Variants in FBN1 observed in about 807,000 individuals in gnomAD.
FBN1 encodes the protein fibrillin-1.
In FBN1, 29 loss-of-function variants were observed where a neutral mutation model predicts 365.1. The observed-to-expected ratio is 0.08, with a 90% CI of 0.06 to 0.11. The LOEUF (loss-of-function observed/expected upper bound fraction) is 0.11. Ranked by LOEUF, FBN1 falls within the 10% of genes least tolerant of loss-of-function variation. The pLI, the probability that FBN1 is intolerant of heterozygous loss-of-function variation, is 1.00. For missense variants in FBN1, 2,476 were observed against 3,703.2 expected, an observed-to-expected ratio of 0.67 and a Z score of 8.60; for synonymous variants, 1,210 against 1,270.5, an observed-to-expected ratio of 0.95 and a Z score of 1.01.
chr15:48,617,986 T>G (rs1284814296), intron 2 of FBN1, among the ~76,000 whole-genome samples: 2 of 152,194 alleles, frequency 1.3e-5, no homozygotes, highest in African/African-American at 4.8e-5. Context: ...CTCAACATAT[T>G]TGTTAGTGAT....
At chr15:48,512,648 C>T (rs954272014) in intron 13 of FBN1, among the ~76,000 whole-genome samples, 1 of 152,186 alleles carries the variant, frequency 6.6e-6, no homozygotes, top group Admixed American at 6.5e-5. Context: ...CTGCAACGGA[C>T]ATGATCTCAT....
In FBN1 at chr15:48,464,034, G is replaced by T; in HGVS notation, c.4943-13C>A. ...CATTCATTCACATCTATAATCCAAA[G>T]AGAAAGTGGTATGTGAATATGAAAA... On this transcript the variant is annotated splice_polypyrimidine_tract_variant and intron_variant, in intron 40 of 65. Transcript: ENST00000316623. 6.2e-7 allele frequency: 1 copy of T among 1,613,620 alleles called. No homozygotes were observed. The highest frequency in any genetic ancestry group is 1.1e-5 in the South Asian group (1 of 91,054).
chr15:48,569,498 TCAGA>T (rs1406349601), intron 6 of FBN1, among the ~76,000 whole-genome samples: 2 of 152,220 alleles, frequency 1.3e-5, no homozygotes, highest in East Asian at 1.9e-4. Context: ...ATACATATGG[TCAGA>T]CAAAGACTTG....
At chr15:48,616,792 T>TA (rs1889662449) in intron 2 of FBN1, among the ~76,000 whole-genome samples, 2 of 152,180 alleles carry the variant, frequency 1.3e-5, no homozygotes, top group Admixed American at 1.3e-4. Context: ...CAACAAATTT[T>TA]AAAAAATTAA....
rs1388913527 is a variant in FBN1 at position 48,641,833 on chromosome 15, A to G, written c.164+2773T>C. 4 of 152,244 alleles carry G rather than the reference A, an allele frequency of 2.6e-5. No individual in the cohort carries two copies. In the East Asian group the frequency reaches 7.7e-4, roughly 29 times the overall value. 9.4% of individuals were successfully genotyped at this position (152,244 alleles called of 1,614,324 possible). Reference sequence around the variant, plus strand: ...CAGGGCACCGTTAAAGGATTTATTCATATGAGACTGTAACGGCAATAAGCA... The same window carrying G: ...CAGGGCACCGTTAAAGGATTTATTCGTATGAGACTGTAACGGCAATAAGCA... On this transcript the variant is annotated intron_variant, in intron 2 of 65. Transcript: ENST00000316623.
At chr15:48,435,768 G>GTATATATATGTGTGTATATATATGTA (rs371770634) in intron 53 of FBN1, among the ~76,000 whole-genome samples, 2,136 of 111,194 alleles carry the variant, frequency 0.019, 136 homozygotes, top group African/African-American at 0.072. Context: ...ATATATATGT[G>GTATATATATGTGTGTATATATATGTA]TATATGTGTG....
chr15:48,534,079 CCTT>C lies in FBN1; in HGVS notation c.860_862del (p.Glu287del). On this transcript the variant is annotated inframe_deletion and splice_region_variant, in exon 8 of 66. Coordinates refer to ENST00000316623, the MANE Select transcript of FBN1 (RefSeq NM_000138.5). ...CAACTGCAAAGCATAAGATTTCTTA[CCTT>C]CACATTTTTGTGACACTTCATTAAG... The C allele has an allele frequency of 6.2e-7, 1 of 1,611,606 alleles. No homozygotes were observed. The highest frequency in any genetic ancestry group is 1.1e-5 in the South Asian group (1 of 91,044).
chr15:48,637,828 A>G (rs1265585074), intron 2 of FBN1, among the ~76,000 whole-genome samples: 4 of 152,196 alleles, frequency 2.6e-5, no homozygotes, highest in African/African-American at 9.6e-5. Context: ...CGTAGATCAG[A>G]GGTTGTTAAA....
intron 43 of FBN1, among the ~76,000 whole-genome samples, chr15:48,458,836 T>C (rs2043260915): frequency 6.6e-6 from 1 of 152,028 alleles, no homozygotes; most frequent in African/African-American, 2.4e-5. Context: ...AAAAGGAGAG[T>C]ATAAAGCTTA....
intron 44 of FBN1, among the ~76,000 whole-genome samples, chr15:48,453,557 T>C (rs904230431): frequency 6.6e-5 from 10 of 152,082 alleles, no homozygotes; most frequent in Non-Finnish European, 1.5e-4. Context: ...ATTCTATGAA[T>C]AGTTATGGAA....
At chr15:48,432,600 C>T (rs1310423813) in intron 55 of FBN1, among the ~76,000 whole-genome samples, 2 of 151,994 alleles carry the variant, frequency 1.3e-5, no homozygotes, top group South Asian at 4.1e-4. Context: ...CTTTCTATTC[C>T]CATATCTTGT....
At position 48,508,667 on chromosome 15, in the gene FBN1, A is replaced by G; in HGVS notation, c.1752T>C (p.Asn584=). The G allele has an allele frequency of 6.2e-7, 1 of 1,613,788 alleles. No individual in the cohort carries two copies. The highest frequency in any genetic ancestry group is 1.7e-5 in the Admixed American group (1 of 60,008). Residue 584 remains asparagine (N), a synonymous_variant, in exon 15 of 66, where the codon AAT becomes AAC. Transcript: ENST00000316623. The part of the protein sequence containing the change: ...DECSIRNMCL[N]GMCINEDGSF... ...TGCCATCTTCATTGATACACATTCC[A>G]TTAAGGCACATGTTCCTTATGCTGC...
intron 2 of FBN1, among the ~76,000 whole-genome samples, chr15:48,632,979 T>C (rs1278942994): frequency 6.6e-6 from 1 of 152,198 alleles, no homozygotes; most frequent in Non-Finnish European, 1.5e-5. Context: ...ATTAAAAAAC[T>C]ATTTGTCTAC....
At chr15:48,616,960 T>C (rs79377596) in intron 2 of FBN1, among the ~76,000 whole-genome samples, 1 of 151,984 alleles carries the variant, frequency 6.6e-6, no homozygotes, top group African/African-American at 2.4e-5. Flanking sequence ...CAAGGTCACA[T>C]AGCTTAGACG....
At chr15:48,479,764 C>T (rs1316820000) in intron 32 of FBN1, among the ~76,000 whole-genome samples, 1 of 152,192 alleles carries the variant, frequency 6.6e-6, no homozygotes, top group Non-Finnish European at 1.5e-5. Context: ...TGTGCAAATT[C>T]AACTACGAAA....
At chr15:48,643,615 T>C (rs1399941528) in intron 2 of FBN1, 1 of 152,194 alleles carries the variant, frequency 6.6e-6, no homozygotes, top group Non-Finnish European at 1.5e-5. Context: ...CAGAGCTATA[T>C]AATAAAGCTA....
At chr15:48,442,426 C>T (rs766945678) in intron 49 of FBN1, among the ~76,000 whole-genome samples, 53 of 152,162 alleles carry the variant, frequency 3.5e-4, no homozygotes, top group Non-Finnish European at 6.0e-4. Context: ...TAGAAGATGA[C>T]GCTCCTGATT....
chr15:48,504,874 C>T, intron 16 of FBN1, 151 bp downstream of exon 16: 1 of 1,008,616 alleles, frequency 9.9e-7, no homozygotes, highest in Non-Finnish European at 1.5e-6. Context: ...GTTCAATTTA[C>T]ACAAAAAGAG....
At chr15:48,491,117 TAGA>T (rs1274638914) in intron 24 of FBN1, among the ~76,000 whole-genome samples, 1 of 152,216 alleles carries the variant, frequency 6.6e-6, no homozygotes, top group Non-Finnish European at 1.5e-5. Context: ...CTGAAGAACC[TAGA>T]AGAAGATTCT....
Sources: allele counts gnomAD v4.1 joint callset (sites outside exome capture counted in the v4.1 genomes callset), GRCh38; gene constraint gnomAD v4.1.1; transcripts MANE v1.5; gene names NCBI Gene and HGNC (gene_info 2026-07-23, HGNC 2026-07-21).